NOL7: variants seen among roughly 807,000 people sequenced by gnomAD.
NOL7 encodes the protein nucleolar protein 7, also known as U3 small nucleolar RNA-associated protein NOL7.
A neutral mutation model predicts 38.4 loss-of-function variants in NOL7; 36 were observed. That is an observed-to-expected ratio of 0.94 (90% CI 0.72 to 1.24). The LOEUF (loss-of-function observed/expected upper bound fraction) is 1.24. Ranked by LOEUF, NOL7 falls within the 50% of genes most tolerant of loss-of-function variation. The pLI, the probability that NOL7 is intolerant of heterozygous loss-of-function variation, is 0.00. For missense variants in NOL7, 350 were observed against 315.1 expected (o/e 1.11, Z -0.84); for synonymous variants, 142 against 126.5 (o/e 1.12, Z -0.82).
chr6:13,618,466 C>G (rs1764348472), intron 5 of NOL7, among the ~76,000 whole-genome samples: 1 of 151,870 alleles, frequency 6.6e-6, no homozygotes, highest in African/African-American at 2.4e-5. Flanking sequence ...CCAGGATGGT[C>G]TCGATCTCCT....
chr6:13,632,307 T>C, intron 8 of NOL7: 1 of 1,535,704 alleles, frequency 6.5e-7, no homozygotes, highest in Non-Finnish European at 8.9e-7. Context: ...GCTCAGTGTT[T>C]CACAAAACTA....
In NOL7 at chr6:13,620,209, C is replaced by T. The variant is rs915399267; in HGVS notation, c.502C>T (p.Gln168Ter). ...VKVQKVQSVS[Q>*]NKSYLAVRLK... Reference sequence around the variant, plus strand: ...TTAACCTTTTATATTGATCAACAGCCAGAATAAAAGCTACTTGGCCGTAAG... The same window carrying T: ...TTAACCTTTTATATTGATCAACAGCTAGAATAAAAGCTACTTGGCCGTAAG... The change falls in exon 6 of 8, where the codon CAG becomes TAG. Residue 168 changes from glutamine to a stop codon, truncating the protein, a stop_gained and splice_region_variant. Transcript: ENST00000451315. LOFTEE classifies it high-confidence loss of function. 6.2e-7 allele frequency: 1 copy of T among 1,606,996 alleles called. No individual in the cohort carries two copies. Among genetic ancestry groups the T allele is most frequent in the African/African-American group, 1.3e-5 (1 of 74,134 alleles).
At chr6:13,632,278 C>T (rs1331507457) in intron 8 of NOL7, 10 of 1,337,762 alleles carry the variant, frequency 7.5e-6, no homozygotes, top group Admixed American at 2.3e-5. Context: ...AGTTCCCTAA[C>T]AAGAATTTCT....
chr6:13,620,678 A>C, intron 7 of NOL7, 76 bp from the exon 8 acceptor site: 1 of 1,033,828 alleles, frequency 9.7e-7, no homozygotes, highest in Non-Finnish European at 1.4e-6. Flanking sequence ...TAGTAATTAC[A>C]TTCATATAGA....
chr6:13,615,711 G>C lies in NOL7; in HGVS notation c.267-1G>C. ...TGCTGACTTATCACCCTTCCTCCCAGGGATAAAACGCTCCTGAAGGAGAAG... is the reference window on the plus strand; with the variant it reads ...TGCTGACTTATCACCCTTCCTCCCACGGATAAAACGCTCCTGAAGGAGAAG... On this transcript the variant is annotated splice_acceptor_variant, in intron 1 of 7. Coordinates refer to ENST00000451315, the MANE Select transcript of NOL7 (RefSeq NM_016167.5). LOFTEE classifies it high-confidence loss of function. 6.2e-7 allele frequency: 1 copy of C among 1,614,230 alleles called. No individual in the cohort carries two copies. Among genetic ancestry groups the C allele is most frequent in the Non-Finnish European group, 8.5e-7 (1 of 1,180,048 alleles).
chr6:13,615,885 A>C, intron 2 of NOL7, 113 bp downstream of exon 2: 1 of 1,087,548 alleles, frequency 9.2e-7, no homozygotes, highest in Non-Finnish European at 1.3e-6. Context: ...AGTCACCAAG[A>C]TTGCCTCTGA....
At chr6:13,622,248 A>G, downstream of NOL7, 1 of 1,153,666 alleles carries the variant, frequency 8.7e-7, no homozygotes, top group Non-Finnish European at 1.1e-6. Flanking sequence ...TAAAGCGACA[A>G]AAACCTGTCC....
At position 13,615,565 on chromosome 6, in the gene NOL7, C is replaced by T. The variant is rs765783930; in HGVS notation, c.207C>T (p.Phe69=). The change falls in exon 1 of 8, where the codon TTC becomes TTT. Residue 69 remains phenylalanine, a synonymous_variant. Transcript: ENST00000451315. The part of the protein sequence containing the change: ...FDDEAPEELT[F]ASAQAEAREE... The stretch of plus-strand genomic sequence containing the variant: ...ATGAGGCCCCGGAGGAGCTGACTTT[C>T]GCCAGCGCCCAGGCGGAAGCGAGAG... 1 of 1,566,510 alleles carries T rather than the reference C, an allele frequency of 6.4e-7. No homozygotes were observed.
Position 13,620,611 on chromosome 6 carries a change from A to G in NOL7, c.700+126A>G. 3 of 1,060,848 alleles carry G rather than the reference A, an allele frequency of 2.8e-6. No individual in the cohort carries two copies. In the South Asian group the frequency reaches 4.4e-5, roughly 15 times the overall value. The allele number at this position is 1,060,848 out of a possible 1,614,324, so 65.7% of individuals were successfully genotyped here. Reference sequence around the variant, plus strand: ...GGCTTATATATTAAGTTACTTGTGAAAAACAGGTCAATGTAGTATGTATAT... The same window carrying G: ...GGCTTATATATTAAGTTACTTGTGAGAAACAGGTCAATGTAGTATGTATAT... On this transcript the variant is annotated intron_variant, in intron 7 of 7. Transcript: ENST00000451315.
At chr6:13,620,707 A>C (rs772636343) in intron 7 of NOL7, 47 bp from the exon 8 acceptor site, 2 of 1,323,144 alleles carry the variant, frequency 1.5e-6, no homozygotes, top group Admixed American at 2.3e-5. Context: ...AAAAATTTTG[A>C]ATTATGTTTT....
At chr6:13,625,154 C>A (rs967638825), downstream of NOL7, among the ~76,000 whole-genome samples, 2 of 152,196 alleles carry the variant, frequency 1.3e-5, no homozygotes, top group Non-Finnish European at 2.9e-5. Context: ...CTGTTCCCTT[C>A]TAGCCTAACT....
intron 8 of NOL7, among the ~76,000 whole-genome samples, chr6:13,627,630 C>CAAAAAA (rs35401168): frequency 9.0e-5 from 6 of 66,396 alleles, no homozygotes; most frequent in Non-Finnish European, 1.5e-4. Context: ...ACTCCATCTC[C>CAAAAAA]AAAAAAAAAA....
intron 3 of NOL7, among the ~76,000 whole-genome samples, chr6:13,617,466 T>A (rs1357762613): frequency 2.0e-5 from 3 of 152,212 alleles, no homozygotes; most frequent in Non-Finnish European, 2.9e-5. Context: ...TTTCAAATAC[T>A]TTATAACTTG....
At chr6:13,616,920 T>C (rs113070282) in intron 3 of NOL7, among the ~76,000 whole-genome samples, 4 of 152,348 alleles carry the variant, frequency 2.6e-5, no homozygotes, top group African/African-American at 9.6e-5. Flanking sequence ...CTGTCCTTCC[T>C]GTTCCCCACT....
Position 13,620,759 on chromosome 6 carries a change from C to CA in NOL7, c.714dup (p.Gln239ThrfsTer7), listed in dbSNP as rs544905440. The CA allele has an allele frequency of 1.3e-4, 208 of 1,575,912 alleles. No homozygotes were observed. The highest frequency in any genetic ancestry group is 1.6e-4 in the Admixed American group (9 of 54,666). ...CAGAAAACTTTATATTCTAGGAATC[C>CA]AAAAAAAACAAAATGCCAAGAGGTT... On this transcript the variant is annotated frameshift_variant, in exon 8 of 8. Transcript: ENST00000451315. LOFTEE classifies it high-confidence loss of function.
intron 8 of NOL7, among the ~76,000 whole-genome samples, chr6:13,629,443 A>AT (rs1764714794): frequency 6.6e-6 from 1 of 152,234 alleles, no homozygotes; most frequent in Non-Finnish European, 1.5e-5. Context: ...AATATGTAGC[A>AT]TTATGGGTTA....
intron 8 of NOL7, among the ~76,000 whole-genome samples, chr6:13,630,105 G>A (rs1584910056): frequency 1.3e-5 from 2 of 151,988 alleles, no homozygotes; most frequent in Admixed American, 1.3e-4. Context: ...CAAATCATCC[G>A]GCCTTGTTCT....
At chr6:13,628,065 G>A (rs138809407) in intron 8 of NOL7, among the ~76,000 whole-genome samples, 462 of 152,294 alleles carry the variant, frequency 3.0e-3, no homozygotes, top group African/African-American at 0.01. Flanking sequence ...AATATTGTGT[G>A]AAGAAGTGTT....
downstream of NOL7, chr6:13,622,644 A>G: frequency 2.5e-6 from 2 of 800,986 alleles, no homozygotes; most frequent in Non-Finnish European, 3.6e-6. Flanking sequence ...CAAAAGACAG[A>G]TGCCGCCTTG....
Sources: allele counts gnomAD v4.1 joint callset (sites outside exome capture counted in the v4.1 genomes callset), GRCh38; gene constraint gnomAD v4.1.1; transcripts MANE v1.5; gene names NCBI Gene and HGNC (gene_info 2026-07-23, HGNC 2026-07-21).